CACNA2D3: variants seen among roughly 807,000 people sequenced by gnomAD.
CACNA2D3 encodes the protein calcium voltage-gated channel auxiliary subunit alpha2delta 3, also known as voltage-dependent calcium channel subunit alpha-2/delta-3.
CACNA2D3 carries 60 observed loss-of-function variants against 160.6 expected under a neutral mutation model. The ratio of observed to expected loss-of-function variants is 0.37; its 90% CI spans 0.30 to 0.46. CACNA2D3 has a LOEUF of 0.46. CACNA2D3 is among the 20% of genes least tolerant of loss of function. The probability of loss-of-function intolerance (pLI) is 1.00; values close to 1 mark genes in which losing one functional copy is unlikely to be tolerated. For missense variants in CACNA2D3, 1,205 were observed against 1,365.0 expected (o/e 0.88, Z 1.85); for synonymous variants, 558 against 492.9 (o/e 1.13, Z -1.75).
intron 3 of CACNA2D3, among the ~76,000 whole-genome samples, chr3:54,333,927 T>G (rs1184730770): frequency 6.6e-6 from 1 of 152,190 alleles, no homozygotes; most frequent in Non-Finnish European, 1.5e-5. Context: ...ATGCATAATT[T>G]GCTCACTTTC....
At chr3:54,701,413 T>C (rs1700765435) in intron 11 of CACNA2D3, among the ~76,000 whole-genome samples, 1 of 152,196 alleles carries the variant, frequency 6.6e-6, no homozygotes, top group African/African-American at 2.4e-5. Flanking sequence ...ATCCTCTCTA[T>C]ATCTAATATA....
At chr3:54,281,962 C>T (rs896354828) in intron 2 of CACNA2D3, among the ~76,000 whole-genome samples, 7 of 152,134 alleles carry the variant, frequency 4.6e-5, no homozygotes, top group East Asian at 1.9e-4. Context: ...CCCTCTCTCC[C>T]GACATTTATA....
intron 3 of CACNA2D3, among the ~76,000 whole-genome samples, chr3:54,368,077 G>T (rs1453740103): frequency 6.6e-6 from 1 of 152,180 alleles, no homozygotes; most frequent in Admixed American, 6.5e-5. Flanking sequence ...GTAAATGAGA[G>T]TAATTATATA....
At chr3:54,940,069 C>G (rs1297901656) in intron 27 of CACNA2D3, among the ~76,000 whole-genome samples, 1 of 152,172 alleles carries the variant, frequency 6.6e-6, no homozygotes, top group Non-Finnish European at 1.5e-5. Context: ...TTACAGCCTT[C>G]CCACTGGACA....
intron 17 of CACNA2D3, among the ~76,000 whole-genome samples, chr3:54,849,832 T>A (rs1699017246): frequency 6.6e-6 from 1 of 152,226 alleles, no homozygotes; most frequent in Non-Finnish European, 1.5e-5. Context: ...TGCCATGGAC[T>A]TTGTTTCGGC....
intron 4 of CACNA2D3, among the ~76,000 whole-genome samples, chr3:54,475,875 C>T (rs991865571): frequency 7.1e-6 from 1 of 140,434 alleles, no homozygotes; most frequent in African/African-American, 2.6e-5. Flanking sequence ...CTACTCTCAA[C>T]AAATTTCAGG....
chr3:54,983,643 G>A (rs1006421575), intron 29 of CACNA2D3, among the ~76,000 whole-genome samples: 3 of 152,136 alleles, frequency 2.0e-5, no homozygotes, highest in Non-Finnish European at 1.5e-5. Context: ...AATAAAGGAC[G>A]GACCATTCTG....
At chr3:54,620,515 G>T (rs575965913) in intron 9 of CACNA2D3, among the ~76,000 whole-genome samples, 15 of 152,218 alleles carry the variant, frequency 9.9e-5, no homozygotes, top group African/African-American at 3.1e-4. Context: ...TGGATTTCAC[G>T]TACAAATCAC....
chr3:54,703,461 C>T (rs1700803239), intron 11 of CACNA2D3, among the ~76,000 whole-genome samples: 1 of 151,990 alleles, frequency 6.6e-6, no homozygotes, highest in African/African-American at 2.4e-5. Flanking sequence ...ACTAGTGTCC[C>T]TACAATTGGA....
At chr3:54,201,486 T>C (rs573756755) in intron 2 of CACNA2D3, among the ~76,000 whole-genome samples, 4 of 152,338 alleles carry the variant, frequency 2.6e-5, no homozygotes, top group Non-Finnish European at 4.4e-5. Context: ...CCAACCCTTA[T>C]GGGTCGTGTT....
At chr3:54,819,837 C>G (rs1703546836) in intron 14 of CACNA2D3, among the ~76,000 whole-genome samples, 1 of 152,036 alleles carries the variant, frequency 6.6e-6, no homozygotes, top group Non-Finnish European at 1.5e-5. Context: ...GGGTGAGACT[C>G]CACCTCAAAA....
intron 2 of CACNA2D3, among the ~76,000 whole-genome samples, chr3:54,304,858 A>G (rs989863788): frequency 6.6e-6 from 1 of 152,136 alleles, no homozygotes; most frequent in Non-Finnish European, 1.5e-5. Flanking sequence ...AAATTCTGCC[A>G]CCATACCCAG....
At chr3:54,936,397 A>C (rs1307764133) in intron 27 of CACNA2D3, among the ~76,000 whole-genome samples, 1 of 152,140 alleles carries the variant, frequency 6.6e-6, no homozygotes, top group Non-Finnish European at 1.5e-5. Flanking sequence ...ATCTCAGTGA[A>C]TTTGTGCTCT....
intron 2 of CACNA2D3, among the ~76,000 whole-genome samples, chr3:54,199,637 G>A (rs974156273): frequency 3.3e-5 from 5 of 151,914 alleles, no homozygotes; most frequent in African/African-American, 1.2e-4. Flanking sequence ...TCTTAAGGGA[G>A]AACATCCTAG....
intron 27 of CACNA2D3, among the ~76,000 whole-genome samples, chr3:54,922,176 G>C (rs1283542450): frequency 1.3e-5 from 2 of 152,148 alleles, no homozygotes; most frequent in African/African-American, 4.8e-5. Context: ...GGAACTCCCT[G>C]ACTTAAAACT....
intron 2 of CACNA2D3, among the ~76,000 whole-genome samples, chr3:54,159,152 AG>A (rs1318698322): frequency 9.2e-5 from 14 of 152,180 alleles, no homozygotes; most frequent in Non-Finnish European, 2.9e-5. Flanking sequence ...TGATTGATTC[AG>A]TCATCATAAA....
At chr3:54,451,108 C>T (rs908502838) in intron 4 of CACNA2D3, among the ~76,000 whole-genome samples, 1 of 152,030 alleles carries the variant, frequency 6.6e-6, no homozygotes, top group Non-Finnish European at 1.5e-5. Context: ...TTCTGGGTAC[C>T]AGGTGGCAAC....
At position 54,170,150 on chromosome 3, in the gene CACNA2D3, A is replaced by G. The variant is rs76711221; in HGVS notation, c.204+46556A>G. Among the ~76,000 whole-genome samples the G allele has an allele frequency of 0.014, 2,101 of 146,198 alleles. 114 individuals are homozygous for G. In the East Asian group the frequency reaches 0.21, roughly 14 times the overall value. On this transcript the variant is annotated intron_variant, in intron 2 of 37. Transcript: ENST00000474759. ...GGTTGCAGTGAGCCGAGATTGCGCTATTGCACTCCAGCCTGGGTGATAGAG... is the reference window on the plus strand; with the variant it reads ...GGTTGCAGTGAGCCGAGATTGCGCTGTTGCACTCCAGCCTGGGTGATAGAG...
intron 31 of CACNA2D3, among the ~76,000 whole-genome samples, chr3:54,988,764 G>T (rs909979973): frequency 1.4e-4 from 21 of 152,234 alleles, no homozygotes; most frequent in African/African-American, 5.1e-4. Context: ...ATTCAAAAAT[G>T]ATGACCCAGT....
Sources: gnomAD v4.1 joint callset for allele counts (sites outside exome capture counted in the v4.1 genomes callset) on GRCh38, gnomAD v4.1.1 for gene constraint, MANE v1.5 for transcripts, NCBI Gene and HGNC (gene_info 2026-07-23, HGNC 2026-07-21) for gene names.